RIT2: variants seen among roughly 807,000 people sequenced by gnomAD.
The protein encoded by RIT2 is Ras like without CAAX 2.
A neutral mutation model predicts 23.7 loss-of-function variants in RIT2; 24 were observed. The observed-to-expected ratio is 1.01, with a 90% CI of 0.73 to 1.43. The LOEUF (loss-of-function observed/expected upper bound fraction) is 1.43, where lower values mean the gene tolerates loss of function less well. Ranked by LOEUF, RIT2 falls within the 40% of genes most tolerant of loss-of-function variation. The pLI is 0.00. For synonymous variants in RIT2, 107 were observed against 91.1 expected, an observed-to-expected ratio of 1.17 and a Z score of -0.99; for missense variants, 236 against 266.9, an observed-to-expected ratio of 0.88 and a Z score of 0.81.
chr18:43,030,767 T>C (rs1163485095), intron 2 of RIT2, among the ~76,000 whole-genome samples: 2 of 152,076 alleles, frequency 1.3e-5, no homozygotes, highest in Admixed American at 6.6e-5. Flanking sequence ...ATAGGTATCA[T>C]GAATTATTCA....
chr18:42,870,461 G>A (rs1373679649), intron 4 of RIT2, among the ~76,000 whole-genome samples: 3 of 152,006 alleles, frequency 2.0e-5, no homozygotes, highest in Non-Finnish European at 2.9e-5. Context: ...GAATCTGCCC[G>A]CCTCAGCCTC....
intron 1 of RIT2, among the ~76,000 whole-genome samples, chr18:43,080,834 C>T (rs1051437362): frequency 1.3e-5 from 2 of 152,132 alleles, no homozygotes; most frequent in African/African-American, 4.8e-5. Flanking sequence ...CCTGTTGTGT[C>T]CTGTATGCTT....
At chr18:42,859,945 T>C (rs533062819) in intron 4 of RIT2, among the ~76,000 whole-genome samples, 318 of 151,920 alleles carry the variant, frequency 2.1e-3, no homozygotes, top group African/African-American at 7.2e-3. Context: ...TCAGAAATTT[T>C]CAGAGCCCCT....
Position 42,743,726 on chromosome 18 carries a change from G to C in RIT2, c.427-6C>G, listed in dbSNP as rs144223968. ...AAGCCTTCTTCTGTAGAAACCTAAGGAAAAAACAAATAATATTAAAAAGAC... is the reference window on the plus strand; with the variant it reads ...AAGCCTTCTTCTGTAGAAACCTAAGCAAAAAACAAATAATATTAAAAAGAC... On this transcript the variant is annotated splice_region_variant and splice_polypyrimidine_tract_variant and intron_variant, in intron 4 of 4. Transcript: ENST00000326695. 7.0e-6 allele frequency: 11 copies of C among 1,576,096 alleles called. No homozygotes were observed. In the African/African-American group the frequency reaches 1.5e-4, roughly 22 times the overall value.
intron 2 of RIT2, among the ~76,000 whole-genome samples, chr18:43,003,050 G>A (rs1054566153): frequency 6.6e-6 from 1 of 151,926 alleles, no homozygotes; most frequent in Admixed American, 6.6e-5. Flanking sequence ...GAGGAGCTGG[G>A]TAAAGAGCAA....
intron 4 of RIT2, among the ~76,000 whole-genome samples, chr18:42,884,901 G>A (rs1907982248): frequency 4.6e-5 from 7 of 152,048 alleles, no homozygotes; most frequent in Admixed American, 4.6e-4. Context: ...AAAGTTATTT[G>A]CACTTAAAAT....
intron 3 of RIT2, among the ~76,000 whole-genome samples, chr18:42,939,705 A>G (rs1004042457): frequency 5.9e-5 from 9 of 152,152 alleles, no homozygotes; most frequent in Non-Finnish European, 8.8e-5. Flanking sequence ...CTGAAGTAAC[A>G]TTAGTATTTA....
chr18:42,798,420 G>T (rs1905434551), intron 4 of RIT2, among the ~76,000 whole-genome samples: 1 of 152,190 alleles, frequency 6.6e-6, no homozygotes. Flanking sequence ...TAAGCATTGA[G>T]ATTATGTATA....
At chr18:42,983,445 T>C (rs563528493) in intron 2 of RIT2, among the ~76,000 whole-genome samples, 1 of 152,112 alleles carries the variant, frequency 6.6e-6, no homozygotes, top group South Asian at 2.1e-4. Context: ...ATCAAAGTCT[T>C]AGAATTAAAT....
chr18:42,952,739 T>A (rs1302152262), intron 3 of RIT2, among the ~76,000 whole-genome samples: 1 of 152,000 alleles, frequency 6.6e-6, no homozygotes, highest in Non-Finnish European at 1.5e-5. Context: ...AATAAAAAAA[T>A]ATACTACATA....
At chr18:42,777,432 G>A (rs1913699777) in intron 4 of RIT2, among the ~76,000 whole-genome samples, 1 of 152,100 alleles carries the variant, frequency 6.6e-6, no homozygotes, top group African/African-American at 2.4e-5. Flanking sequence ...GTTGGGAAAA[G>A]GAAGAGGAAC....
At chr18:42,848,325 G>T (rs912356697) in intron 4 of RIT2, among the ~76,000 whole-genome samples, 1 of 152,088 alleles carries the variant, frequency 6.6e-6, no homozygotes, top group Non-Finnish European at 1.5e-5. Flanking sequence ...AGACTTAAAA[G>T]GACTATAGCA....
At chr18:42,914,948 A>G (rs1436011862) in intron 4 of RIT2, among the ~76,000 whole-genome samples, 1 of 151,882 alleles carries the variant, frequency 6.6e-6, no homozygotes, top group Non-Finnish European at 1.5e-5. Flanking sequence ...ATTTCTAAAT[A>G]AACAATTTGT....
At chr18:42,921,387 T>C (rs1203783042) in intron 4 of RIT2, among the ~76,000 whole-genome samples, 1 of 152,138 alleles carries the variant, frequency 6.6e-6, no homozygotes, top group African/African-American at 2.4e-5. Flanking sequence ...CTATCAAATC[T>C]GCAAAGTTAC....
At chr18:42,982,329 A>C (rs1347607753) in intron 2 of RIT2, among the ~76,000 whole-genome samples, 2 of 152,126 alleles carry the variant, frequency 1.3e-5, no homozygotes, top group Non-Finnish European at 2.9e-5. Context: ...GCCCCCAGTC[A>C]ATTGGATGGT....
At chr18:43,009,786 G>C (rs1911309892) in intron 2 of RIT2, among the ~76,000 whole-genome samples, 1 of 151,700 alleles carries the variant, frequency 6.6e-6, no homozygotes, top group Non-Finnish European at 1.5e-5. Flanking sequence ...GCAGCGTTGA[G>C]AATGCACATA....
At chr18:42,896,018 A>C (rs544202475) in intron 4 of RIT2, among the ~76,000 whole-genome samples, 2 of 152,264 alleles carry the variant, frequency 1.3e-5, no homozygotes, top group East Asian at 3.9e-4. Flanking sequence ...TAATCCTGGC[A>C]CTTTGGGAGG....
chr18:42,887,576 TAC>T (rs1235443422), intron 4 of RIT2, among the ~76,000 whole-genome samples: 1 of 152,184 alleles, frequency 6.6e-6, no homozygotes, highest in African/African-American at 2.4e-5. Flanking sequence ...TGCAAAATGG[TAC>T]AGTCACTTTG....
At chr18:42,964,182 C>T (rs1568041271) in intron 3 of RIT2, among the ~76,000 whole-genome samples, 2 of 151,848 alleles carry the variant, frequency 1.3e-5, no homozygotes, top group South Asian at 4.2e-4. Flanking sequence ...AAGGCCGAGA[C>T]TCCATCTCAA....
Sources: allele counts gnomAD v4.1 joint callset (sites outside exome capture counted in the v4.1 genomes callset), GRCh38; gene constraint gnomAD v4.1.1; transcripts MANE v1.5; gene names NCBI Gene and HGNC (gene_info 2026-07-23, HGNC 2026-07-21).